Variants in SHPK observed in about 807,000 individuals in gnomAD.
SHPK encodes carbohydrate kinase-like protein.
SHPK carries 51 observed loss-of-function variants against 46.3 expected under a neutral mutation model. That is an observed-to-expected ratio of 1.10 (90% CI 0.88 to 1.39). The LOEUF is 1.39. SHPK is among the 40% of genes most tolerant of loss of function. The pLI, the probability that SHPK is intolerant of heterozygous loss-of-function variation, is 0.00. For missense variants in SHPK, 668 were observed against 641.3 expected, an observed-to-expected ratio of 1.04 and a Z score of -0.45; for synonymous variants, 290 against 273.9, an observed-to-expected ratio of 1.06 and a Z score of -0.58.
At chr17:3,629,825 T>C (rs1357382720) in intron 2 of SHPK, among the ~76,000 whole-genome samples, 1 of 151,566 alleles carries the variant, frequency 6.6e-6, no homozygotes, top group Non-Finnish European at 1.5e-5. Context: ...ATGCCCTCCA[T>C]GTCCTGGCAT....
chr17:3,616,710 T>C (rs187760702), intron 5 of SHPK, among the ~76,000 whole-genome samples: 31 of 152,308 alleles, frequency 2.0e-4, no homozygotes, highest in African/African-American at 7.2e-4. Context: ...CTTGCTCATT[T>C]CCAAAGTATT....
intron 5 of SHPK, among the ~76,000 whole-genome samples, chr17:3,617,862 C>G (rs1057115910): frequency 6.6e-6 from 1 of 152,158 alleles, no homozygotes; most frequent in African/African-American, 2.4e-5. Context: ...AAAAGTCAGG[C>G]TCTCAGATTA....
intron 1 of SHPK, among the ~76,000 whole-genome samples, chr17:3,634,950 T>A (rs1439749531): frequency 6.6e-6 from 1 of 151,928 alleles, no homozygotes; most frequent in Non-Finnish European, 1.5e-5. Flanking sequence ...AGTGGGCAGA[T>A]CACTTGAGGT....
chr17:3,623,561 C>T, intron 3 of SHPK, 70 bp from the exon 4 acceptor site: 1 of 1,491,478 alleles, frequency 6.7e-7, no homozygotes, highest in East Asian at 2.3e-5. Context: ...CACCTAGCTG[C>T]AGGCAGCAGG....
In SHPK at chr17:3,624,114, G is replaced by C. The variant is rs201999400; in HGVS notation, c.428C>G (p.Pro143Arg). The C allele has an allele frequency of 1.2e-6, 2 of 1,614,144 alleles. No individual in the cohort carries two copies. Among genetic ancestry groups the C allele is most frequent in the African/African-American group, 1.3e-5 (1 of 75,064 alleles). ...SSEFLASLPQ[P>R]KSHLSVATGF... Reference sequence around the variant, plus strand: ...CGTGGCCACACTGAGATGAGACTTCGGCTGGGGCAGAGAGGCCAGGAATTC... The same window carrying C: ...CGTGGCCACACTGAGATGAGACTTCCGCTGGGGCAGAGAGGCCAGGAATTC... The change falls in exon 3 of 7, where the codon CCG becomes CGG. Residue 143 changes from proline (P) to arginine (R), a missense_variant. By Grantham distance (103) the Pro-to-Arg change is moderately radical. Coordinates refer to ENST00000225519, the MANE Select transcript of SHPK (RefSeq NM_013276.4).
Position 3,621,290 on chromosome 17 carries a change from A to C in SHPK, c.770T>G (p.Leu257Trp), listed in dbSNP as rs1215332118. Residue 257 changes from leucine (L) to tryptophan (W), a missense_variant, in exon 5 of 7, where the codon TTG (leucine) becomes TGG (tryptophan). Leu to Trp is a moderately conservative substitution (Grantham distance 61, BLOSUM62 -2). Coordinates refer to ENST00000225519, the MANE Select transcript of SHPK (RefSeq NM_013276.4). ...IPKGTQVGVA[L>W]GDLQASVYSC... ...ATAGACAGAGGCCTGTAAATCACCC[A>C]AGGCCACTCCCACCTGCGTCCCCTT... 2.5e-6 allele frequency: 4 copies of C among 1,614,076 alleles called. No homozygotes were observed. Among genetic ancestry groups the C allele is most frequent in the Non-Finnish European group, 3.4e-6 (4 of 1,179,986 alleles).
chr17:3,621,709 G>A (rs940708560), intron 4 of SHPK, among the ~76,000 whole-genome samples: 1 of 149,802 alleles, frequency 6.7e-6, no homozygotes, highest in Non-Finnish European at 1.5e-5. Context: ...CTGGAGTGCA[G>A]TGGCACCATC....
chr17:3,614,716 C>T (rs1467691002), intron 6 of SHPK, among the ~76,000 whole-genome samples: 2 of 151,120 alleles, frequency 1.3e-5, no homozygotes. Context: ...GGCGTGGTGG[C>T]GCATGCCTGT....
chr17:3,619,110 A>T (rs1177288559), intron 5 of SHPK: 1 of 267,438 alleles, frequency 3.7e-6, no homozygotes, highest in African/African-American at 2.3e-5. Flanking sequence ...AGGCAAACTA[A>T]ATTTACATAA....
chr17:3,630,487 G>A (rs908783482), intron 1 of SHPK, 141 bp from the exon 2 acceptor site: 1 of 865,040 alleles, frequency 1.2e-6, no homozygotes, highest in African/African-American at 1.7e-5. Flanking sequence ...TGCTGCAGGT[G>A]AGTTGCAGCA....
At chr17:3,615,585 G>A in intron 5 of SHPK, 48 bp from the exon 6 acceptor site, 3 of 1,556,928 alleles carry the variant, frequency 1.9e-6, no homozygotes, top group Non-Finnish European at 1.8e-6. Context: ...CTAACTCAGA[G>A]GTCACAAGTC....
intron 6 of SHPK, among the ~76,000 whole-genome samples, chr17:3,612,412 C>T (rs1270157817): frequency 7.0e-6 from 1 of 142,026 alleles, no homozygotes; most frequent in Non-Finnish European, 1.5e-5. Context: ...GGTGACAGTG[C>T]GAGACTCAGT....
At chr17:3,614,601 AC>A (rs1192640102) in intron 6 of SHPK, among the ~76,000 whole-genome samples, 1 of 152,062 alleles carries the variant, frequency 6.6e-6, no homozygotes, top group Non-Finnish European at 1.5e-5. Context: ...TAATCCCAGC[AC>A]TTTGGGAGGC....
chr17:3,632,439 G>A (rs373679031), intron 1 of SHPK, among the ~76,000 whole-genome samples: 1 of 152,320 alleles, frequency 6.6e-6, no homozygotes, highest in East Asian at 1.9e-4. Context: ...CCATGGGGTG[G>A]TGTGTCATCC....
In SHPK at chr17:3,636,079, C is replaced by A. The variant is rs1431783438; in HGVS notation, c.141G>T (p.Ala47=). 6.3e-6 allele frequency: 10 copies of A among 1,590,242 alleles called. No individual in the cohort carries two copies. The highest frequency in any genetic ancestry group is 7.7e-6 in the Non-Finnish European group (9 of 1,169,958). ...SCARAARAEA[A]VESAVAGPQG... ...GGGGCCCGGCCACCGCGCTCTCGAC[C>A]GCCGCCTCTGCCCGCGCAGCACGGG... Residue 47 remains alanine (A), a synonymous_variant, in exon 1 of 7, where the codon GCG becomes GCT. Coordinates refer to ENST00000225519, the MANE Select transcript of SHPK (RefSeq NM_013276.4).
In SHPK at chr17:3,624,248, G is replaced by A. The variant is rs1481565471; in HGVS notation, c.311-17C>T. 6.3e-7 allele frequency: 1 copy of A among 1,588,052 alleles called. No homozygotes were observed. Among genetic ancestry groups the A allele is most frequent in the East Asian group, 2.3e-5 (1 of 44,272 alleles). ...ATTCACAGCCTGGAACAAAAGAGAT[G>A]ACCAAAAATGAAGAAAAGAGCAAAT... On this transcript the variant is annotated splice_polypyrimidine_tract_variant and intron_variant, in intron 2 of 6. Transcript: ENST00000225519.
At position 3,620,605 on chromosome 17, in the gene SHPK, A is replaced by G. The variant is rs542978390; in HGVS notation, c.823+632T>C. 2.6e-5 allele frequency among the ~76,000 whole-genome samples: 4 copies of G among 151,396 alleles called. No homozygotes were observed. In the South Asian group the frequency reaches 8.4e-4, roughly 32 times the overall value. On this transcript the variant is annotated intron_variant, in intron 5 of 6. Transcript: ENST00000225519. ...TGAGATGGAGTCTCGCTCTGTCGTCAGGCTGGAGTGCAGTGATGTGATCTC... is the reference window on the plus strand; with the variant it reads ...TGAGATGGAGTCTCGCTCTGTCGTCGGGCTGGAGTGCAGTGATGTGATCTC...
At chr17:3,625,231 C>A (rs185722763) in intron 2 of SHPK, among the ~76,000 whole-genome samples, 1 of 152,130 alleles carries the variant, frequency 6.6e-6, no homozygotes, top group African/African-American at 2.4e-5. Context: ...TTTTTGTGGT[C>A]GATTGTTGCA....
Position 3,609,156 on chromosome 17 carries a change from G to C in SHPK, c.*1404C>G, listed in dbSNP as rs2075320101. On this transcript the variant is annotated 3_prime_UTR_variant, in exon 7 of 7. Transcript: ENST00000225519. ...CCACTTGGGCTTCCCAAAGTGCTGG[G>C]ATTACAGGCGGGAGCCAACATGCCC... 6.6e-6 allele frequency: 1 copy of C among 152,248 alleles called. No homozygotes were observed. Among genetic ancestry groups the C allele is most frequent in the Non-Finnish European group, 1.5e-5 (1 of 68,062 alleles). 9.4% of individuals were successfully genotyped at this position (152,248 alleles called of 1,614,324 possible).
Sources: gnomAD v4.1 joint callset for allele counts (sites outside exome capture counted in the v4.1 genomes callset) on GRCh38, gnomAD v4.1.1 for gene constraint, MANE v1.5 for transcripts, NCBI Gene and HGNC (gene_info 2026-07-23, HGNC 2026-07-21) for gene names.